The following ZNF618 variants were observed in gnomAD, a reference collection of about 807,000 sequenced individuals.
ZNF618 encodes neural precursor cell expressed, developmentally down-regulated 10.
Under a neutral mutation model 103.0 loss-of-function variants are expected in ZNF618, and 34 were observed. The observed-to-expected ratio is 0.33, with a 90% confidence interval of 0.25 to 0.44. ZNF618 has a LOEUF of 0.44. Ranked by LOEUF, ZNF618 falls within the 20% of genes least tolerant of loss-of-function variation. The probability of loss-of-function intolerance (pLI) is 1.00; values close to 1 mark genes in which losing one functional copy is unlikely to be tolerated. For missense variants in ZNF618, 1,059 were observed against 1,295.4 expected (o/e 0.82, Z 2.80); for synonymous variants, 551 against 542.2 (o/e 1.02, Z -0.23).
intron 1 of ZNF618, among the ~76,000 whole-genome samples, chr9:113,889,480 C>G (rs956436716): frequency 3.9e-5 from 6 of 152,220 alleles, no homozygotes; most frequent in African/African-American, 1.4e-4. Context: ...TGCAGCCTCA[C>G]CTGTTATGAC....
chr9:114,042,984 C>T (rs1037523583), intron 13 of ZNF618, among the ~76,000 whole-genome samples: 9 of 152,174 alleles, frequency 5.9e-5, no homozygotes, highest in Admixed American at 1.3e-4. Context: ...TGGAGTTCTA[C>T]GGTATTTAGC....
chr9:113,929,446 G>A lies in ZNF618; in HGVS notation c.34-39671G>A, dbSNP rs80234679. Among the ~76,000 whole-genome samples, 1,190 of 152,328 alleles carry A rather than the reference G, an allele frequency of 7.8e-3. 45 individuals carry two copies. The highest frequency in any genetic ancestry group is 3.9e-3 in the Non-Finnish European group (268 of 68,028). On this transcript the variant is annotated intron_variant, in intron 1 of 14. Coordinates refer to ENST00000374126, the MANE Select transcript of ZNF618 (RefSeq NM_001318042.2). ...CTTTTTTCTTGTTGTAAGGATGGGAGTGATGACTTCCAAGCTCTGTACATA... is the reference window on the plus strand; with the variant it reads ...CTTTTTTCTTGTTGTAAGGATGGGAATGATGACTTCCAAGCTCTGTACATA...
chr9:114,042,674 T>C (rs1845316640), intron 13 of ZNF618, among the ~76,000 whole-genome samples: 3 of 151,968 alleles, frequency 2.0e-5, no homozygotes, highest in Admixed American at 6.6e-5. Context: ...TACAAAAAAA[T>C]TAAAAATAAG....
chr9:114,000,279 T>A (rs1841057869), intron 4 of ZNF618, among the ~76,000 whole-genome samples: 1 of 152,012 alleles, frequency 6.6e-6, no homozygotes, highest in Non-Finnish European at 1.5e-5. Flanking sequence ...ATTGTAGGAA[T>A]CAGAGTCCGG....
In ZNF618 at chr9:113,998,258, G is replaced by A. The variant is rs757791947; in HGVS notation, c.338-1G>A. 6.4e-6 allele frequency: 10 copies of A among 1,550,458 alleles called. No individual in the cohort carries two copies. The South Asian group carries it at 1.2e-4, about 18-fold the overall frequency. ...TCTTTCTGATTTCTTACGTAATTCAGATGGAAAAGCGCCCGAAGGCAGCCC... is the reference window on the plus strand; with the variant it reads ...TCTTTCTGATTTCTTACGTAATTCAAATGGAAAAGCGCCCGAAGGCAGCCC... On this transcript the variant is annotated splice_acceptor_variant, in intron 3 of 14. Coordinates refer to ENST00000374126, the MANE Select transcript of ZNF618 (RefSeq NM_001318042.2). LOFTEE classifies it high-confidence loss of function.
chr9:114,019,747 T>C (rs770310693), intron 10 of ZNF618, among the ~76,000 whole-genome samples: 2 of 152,200 alleles, frequency 1.3e-5, no homozygotes, highest in Non-Finnish European at 2.9e-5. Context: ...TAGGCCTGGG[T>C]TCTTTGCCAG....
intron 1 of ZNF618, among the ~76,000 whole-genome samples, chr9:113,940,626 C>T (rs1044614689): frequency 1.3e-5 from 2 of 151,676 alleles, no homozygotes; most frequent in Non-Finnish European, 2.9e-5. Flanking sequence ...GAGTTTTTTA[C>T]CACGTCTGCT....
chr9:113,906,044 G>A (rs1054360204), intron 1 of ZNF618, among the ~76,000 whole-genome samples: 3 of 152,076 alleles, frequency 2.0e-5, no homozygotes, highest in Non-Finnish European at 4.4e-5. Flanking sequence ...GTTTAAGGTG[G>A]GTGGTGAATC....
intron 2 of ZNF618, among the ~76,000 whole-genome samples, chr9:113,971,399 A>G (rs1837949657): frequency 1.3e-5 from 2 of 152,262 alleles, no homozygotes; most frequent in Non-Finnish European, 2.9e-5. Flanking sequence ...GTGAGGGTCT[A>G]GCCAGCCTCT....
At chr9:113,935,381 G>C (rs1354774320) in intron 1 of ZNF618, among the ~76,000 whole-genome samples, 5 of 152,186 alleles carry the variant, frequency 3.3e-5, no homozygotes, top group African/African-American at 1.2e-4. Flanking sequence ...CCAGGGGCTG[G>C]TCCTAGAGAG....
chr9:113,985,951 A>G (rs1416226128), intron 2 of ZNF618, among the ~76,000 whole-genome samples: 6 of 152,224 alleles, frequency 3.9e-5, no homozygotes, highest in Non-Finnish European at 7.3e-5. Context: ...AATTAAGGAA[A>G]TGAATTCTGA....
chr9:114,018,297 T>A (rs1330780890), intron 10 of ZNF618, among the ~76,000 whole-genome samples: 1 of 152,186 alleles, frequency 6.6e-6, no homozygotes, highest in East Asian at 1.9e-4. Context: ...AGGGCTGTGG[T>A]CGGGCTTGAA....
At chr9:113,950,748 C>G (rs970824398) in intron 1 of ZNF618, among the ~76,000 whole-genome samples, 1 of 152,120 alleles carries the variant, frequency 6.6e-6, no homozygotes, top group Non-Finnish European at 1.5e-5. Context: ...GGCTCCAACC[C>G]GGCCTCAGGT....
intron 10 of ZNF618, among the ~76,000 whole-genome samples, chr9:114,026,156 A>G (rs1001792671): frequency 6.6e-6 from 1 of 152,194 alleles, no homozygotes; most frequent in African/African-American, 2.4e-5. Flanking sequence ...CCAACAGTCA[A>G]AAGTTTGAGG....
chr9:113,935,245 C>T (rs1833932312), intron 1 of ZNF618, among the ~76,000 whole-genome samples: 1 of 152,162 alleles, frequency 6.6e-6, no homozygotes, highest in African/African-American at 2.4e-5. Flanking sequence ...TGGGTAGTGC[C>T]CCTGTGGGAG....
At chr9:114,025,518 AGTCT>A (rs1183768477) in intron 10 of ZNF618, among the ~76,000 whole-genome samples, 1 of 152,238 alleles carries the variant, frequency 6.6e-6, no homozygotes, top group Non-Finnish European at 1.5e-5. Context: ...GAAGTCAGCC[AGTCT>A]GTCTGAGACT....
chr9:113,945,385 CACA>C (rs1267504891), intron 1 of ZNF618, among the ~76,000 whole-genome samples: 1 of 152,208 alleles, frequency 6.6e-6, no homozygotes, highest in Non-Finnish European at 1.5e-5. Context: ...TCCGCATGTA[CACA>C]ATGATAGTTA....
At chr9:113,921,791 A>G (rs369568772) in intron 1 of ZNF618, among the ~76,000 whole-genome samples, 4 of 152,248 alleles carry the variant, frequency 2.6e-5, no homozygotes, top group African/African-American at 9.6e-5. Flanking sequence ...TATTTTTATG[A>G]CAAAGCTTTC....
chr9:113,951,475 GTGTACACATATA>G (rs1835673405), intron 1 of ZNF618, among the ~76,000 whole-genome samples: 1 of 27,356 alleles, frequency 3.7e-5, no homozygotes, highest in Admixed American at 4.6e-4. Context: ...ATGTGTGTAT[GTGTACACATATA>G]TGTGTGTATG....
Sources: gnomAD v4.1 joint callset for allele counts (sites outside exome capture counted in the v4.1 genomes callset) on GRCh38, gnomAD v4.1.1 for gene constraint, MANE v1.5 for transcripts, NCBI Gene and HGNC (gene_info 2026-07-23, HGNC 2026-07-21) for gene names.